The following DIS3L2 variants were observed in gnomAD, a reference collection of about 807,000 sequenced individuals.
The protein encoded by DIS3L2 is DIS3-like exonuclease 2.
DIS3L2 carries 34 observed loss-of-function variants against 97.5 expected under a neutral mutation model. The observed-to-expected ratio is 0.35, with a 90% CI of 0.27 to 0.46. DIS3L2 has a LOEUF of 0.46. Among genes scored for constraint, DIS3L2 ranks in the 20% least tolerant of loss-of-function variants. The pLI is 1.00. For synonymous variants in DIS3L2, 435 were observed against 445.2 expected, an observed-to-expected ratio of 0.98 and a Z score of 0.29; for missense variants, 1,038 against 1,146.0, an observed-to-expected ratio of 0.91 and a Z score of 1.36.
intron 1 of DIS3L2, among the ~76,000 whole-genome samples, chr2:231,993,019 AT>A (rs1424193612): frequency 2.0e-5 from 3 of 151,692 alleles, no homozygotes; most frequent in Non-Finnish European, 2.9e-5. Context: ...TTTGGTTATG[AT>A]TTGTTCTCTG....
At chr2:231,998,655 A>G (rs1693794061) in intron 1 of DIS3L2, among the ~76,000 whole-genome samples, 1 of 152,190 alleles carries the variant, frequency 6.6e-6, no homozygotes, top group African/African-American at 2.4e-5. Flanking sequence ...CTTTGAAACT[A>G]TTTAAAATTC....
At position 232,280,662 on chromosome 2, in the gene DIS3L2, A is replaced by G. The variant is rs556025447; in HGVS notation, c.1659+17222A>G. On this transcript the variant is annotated intron_variant, in intron 13 of 20. Coordinates refer to ENST00000325385, the MANE Select transcript of DIS3L2 (RefSeq NM_152383.5). ...AAAGCCTGGTGTGGGTGAGAGACCA[A>G]GGATTGCTTGCCTGGGAAGGATGTG... is the stretch of plus-strand genomic sequence containing the variant. Among the ~76,000 whole-genome samples the G allele has an allele frequency of 5.3e-5, 8 of 152,330 alleles. No individual in the cohort carries two copies. The South Asian group carries it at 1.5e-3, about 28-fold the overall frequency.
At chr2:232,218,756 C>G (rs1692416415) in intron 10 of DIS3L2, among the ~76,000 whole-genome samples, 1 of 152,226 alleles carries the variant, frequency 6.6e-6, no homozygotes, top group South Asian at 2.1e-4. Context: ...ATTTCCCTCC[C>G]TCCTCACTGT....
chr2:232,182,715 C>G lies in DIS3L2; in HGVS notation c.1124+19083C>G, dbSNP rs1427615844. On this transcript the variant is annotated intron_variant, in intron 9 of 20. Transcript: ENST00000325385. ...CTTTTTGCCTTGAATTCTATTTTGT[C>G]TGCTATTAGTTTGGCTACTCCAGCT... is the stretch of plus-strand genomic sequence containing the variant. Among the ~76,000 whole-genome samples, 3 of 152,062 alleles carry G rather than the reference C, an allele frequency of 2.0e-5. No individual in the cohort carries two copies. The South Asian group carries it at 6.2e-4, about 32-fold the overall frequency.
Position 232,325,438 on chromosome 2 carries a change from CT to C in DIS3L2, c.1740-4374del, listed in dbSNP as rs1695545257. 1.3e-5 allele frequency among the ~76,000 whole-genome samples: 2 copies of C among 152,360 alleles called. No homozygotes were observed. On this transcript the variant is annotated intron_variant, in intron 14 of 20. Coordinates refer to ENST00000325385, the MANE Select transcript of DIS3L2 (RefSeq NM_152383.5). The surrounding 1 kb of genome is among the most constrained non-coding windows in gnomAD (Gnocchi z 4.6). ...GCGGGGGGCTGGTGGCCTTTCTCTG[CT>C]GTCTGCCACAGTTTGTGAGGGGCTC...
intron 5 of DIS3L2, among the ~76,000 whole-genome samples, chr2:232,034,740 A>T (rs1378807223): frequency 6.6e-6 from 1 of 152,216 alleles, no homozygotes; most frequent in African/African-American, 2.4e-5. Flanking sequence ...GTAGTCATTC[A>T]GGAGCAGGTT....
intron 12 of DIS3L2, among the ~76,000 whole-genome samples, chr2:232,253,553 TAGAAA>T (rs981675161): frequency 5.3e-5 from 8 of 152,186 alleles, no homozygotes; most frequent in Admixed American, 2.0e-4. Context: ...AAAAGTTGTA[TAGAAA>T]AGAAAAGTAA....
chr2:232,004,408 G>A (rs1189418898), intron 1 of DIS3L2, among the ~76,000 whole-genome samples: 2 of 151,980 alleles, frequency 1.3e-5, no homozygotes, highest in Non-Finnish European at 2.9e-5. Context: ...TGTCCTGTAA[G>A]TCCATAATAC....
intron 7 of DIS3L2, among the ~76,000 whole-genome samples, chr2:232,136,181 C>T (rs981750837): frequency 2.6e-5 from 4 of 152,124 alleles, no homozygotes; most frequent in African/African-American, 9.7e-5. Context: ...GCTGTACTTC[C>T]CTGCTGGAGT....
chr2:232,049,022 G>C (rs913548510), intron 5 of DIS3L2, among the ~76,000 whole-genome samples: 1 of 151,968 alleles, frequency 6.6e-6, no homozygotes, highest in Non-Finnish European at 1.5e-5. Flanking sequence ...AGCTTTTTAC[G>C]TACCATAAAC....
rs545143880 is a variant in DIS3L2 at position 232,066,225 on chromosome 2, A to T, written c.367-21262A>T. 3.2e-4 allele frequency among the ~76,000 whole-genome samples: 48 copies of T among 152,060 alleles called. 1 individual carries two copies. Among genetic ancestry groups the T allele is most frequent in the African/African-American group, 1.0e-3 (43 of 41,550 alleles). On this transcript the variant is annotated intron_variant, in intron 5 of 20. Transcript: ENST00000325385. ...TTCTTGCCTTGTTCTTGATCTTATG[A>T]GGAAAGCCCTCTATCTTTCTCATTA...
At chr2:232,006,967 T>C (rs1440916078) in intron 1 of DIS3L2, among the ~76,000 whole-genome samples, 1 of 152,216 alleles carries the variant, frequency 6.6e-6, no homozygotes, top group Non-Finnish European at 1.5e-5. Context: ...AGACGTCATA[T>C]TCCAAAAGAG....
chr2:232,163,333 A>G, intron 8 of DIS3L2, 126 bp from the exon 9 acceptor site: 1 of 870,304 alleles, frequency 1.1e-6, no homozygotes, highest in Non-Finnish European at 1.7e-6. Context: ...ACGGATGATC[A>G]TGTTTCTACT....
At position 232,336,684 on chromosome 2, in the gene DIS3L2, C is replaced by A. The variant is rs1475710832; in HGVS notation, c.*54C>A. On this transcript the variant is annotated 3_prime_UTR_variant, in exon 21 of 21. Coordinates refer to ENST00000325385, the MANE Select transcript of DIS3L2 (RefSeq NM_152383.5). ...CCGCCTGCCTGTCCCGCCACACTGG[C>A]TTTAGGACCTGTTGACACGGAGGGG... is the stretch of plus-strand genomic sequence containing the variant. 1 of 1,570,144 alleles carries A rather than the reference C, an allele frequency of 6.4e-7. No homozygotes were observed. The highest frequency in any genetic ancestry group is 1.2e-5 in the South Asian group (1 of 86,948).
At chr2:232,339,873 A>C (rs1328301070), downstream of DIS3L2, 1 of 371,782 alleles carries the variant, frequency 2.7e-6, no homozygotes, top group East Asian at 7.4e-5. Flanking sequence ...AGGTCCCGGG[A>C]GGACCTGGGA....
At chr2:232,165,721 T>A (rs1690785377) in intron 9 of DIS3L2, among the ~76,000 whole-genome samples, 1 of 152,074 alleles carries the variant, frequency 6.6e-6, no homozygotes, top group Non-Finnish European at 1.5e-5. Flanking sequence ...AGAGATGGGG[T>A]CTTGCTATGT....
intron 1 of DIS3L2, among the ~76,000 whole-genome samples, chr2:231,999,193 G>T (rs1418996242): frequency 6.6e-6 from 1 of 152,256 alleles, no homozygotes; most frequent in East Asian, 1.9e-4. Context: ...TAAATAGGTG[G>T]ATGCACTATG....
intron 5 of DIS3L2, among the ~76,000 whole-genome samples, chr2:232,055,956 A>G (rs1326797081): frequency 6.6e-6 from 1 of 152,240 alleles, no homozygotes; most frequent in Non-Finnish European, 1.5e-5. Context: ...TACCATGCAC[A>G]AAAATCAATT....
chr2:231,983,912 T>G (rs953290168), intron 1 of DIS3L2, among the ~76,000 whole-genome samples: 1 of 151,300 alleles, frequency 6.6e-6, no homozygotes, highest in African/African-American at 2.4e-5. Flanking sequence ...AAGAAAAGAA[T>G]TAAATGTAGT....
Sources: gnomAD v4.1 joint callset for allele counts (sites outside exome capture counted in the v4.1 genomes callset) on GRCh38, gnomAD v4.1.1 for gene constraint, Gnocchi (gnomAD v3.1) non-coding constraint, MANE v1.5 for transcripts, NCBI Gene and HGNC (gene_info 2026-07-23, HGNC 2026-07-21) for gene names.